TRIM33: variants seen among roughly 807,000 people sequenced by gnomAD.
TRIM33 encodes tripartite motif containing 33.
A neutral mutation model predicts 125.4 loss-of-function variants in TRIM33; 20 were observed. The observed-to-expected ratio is 0.16, with a 90% CI of 0.11 to 0.23. The LOEUF is 0.23. Among genes scored for constraint, TRIM33 ranks in the 10% least tolerant of loss-of-function variants. The pLI is 1.00. For missense variants in TRIM33, 920 were observed against 1,411.4 expected (o/e 0.65, Z 5.58); for synonymous variants, 564 against 513.9 (o/e 1.10, Z -1.32).
chr1:114,414,070 C>CA (rs1553207069), intron 11 of TRIM33, among the ~76,000 whole-genome samples: 2 of 147,482 alleles, frequency 1.4e-5, no homozygotes, highest in Non-Finnish European at 1.5e-5. Flanking sequence ...CACACACACA[C>CA]GTTTTTAAAT....
Position 114,510,884 on chromosome 1 carries a change from C to A in TRIM33, c.193G>T (p.Gly65Trp), listed in dbSNP as rs1457565985. ...AEGGAAGPDD[G>W]GVAAASSGSA... The stretch of plus-strand genomic sequence containing the variant: ...CCCGAGGAGGCCGCGGCCACCCCCC[C>A]GTCGTCGGGCCCGGCCGCGCCGCCC... The change falls in exon 1 of 20, where the codon GGG (glycine) becomes TGG (tryptophan). Residue 65 changes from glycine to tryptophan, a missense_variant. Gly to Trp is a radical substitution (Grantham distance 184, BLOSUM62 -2). Around this residue, in one of 8 missense-constraint regions of TRIM33, gnomAD observed 233 missense variants for 189.6 expected, o/e 1.23. Transcript: ENST00000358465. 2.8e-6 allele frequency: 4 copies of A among 1,447,912 alleles called. No homozygotes were observed. The highest frequency in any genetic ancestry group is 2.7e-6 in the Non-Finnish European group (3 of 1,107,498). The allele number at this position is 1,447,912 out of a possible 1,614,324, so 89.7% of individuals were successfully genotyped here. A position where few individuals can be genotyped will look rare whatever the true frequency, so the allele number is the denominator to read the frequency against.
intron 1 of TRIM33, chr1:114,468,380 C>T (rs765524953): frequency 3.1e-6 from 1 of 325,828 alleles, no homozygotes; most frequent in Non-Finnish European, 6.0e-6. Flanking sequence ...CAGCAGCAGT[C>T]CTTTAGTTAG....
chr1:114,461,472 C>T (rs963940948), intron 4 of TRIM33, among the ~76,000 whole-genome samples: 14 of 150,996 alleles, frequency 9.3e-5, no homozygotes, highest in Non-Finnish European at 1.0e-4. Flanking sequence ...ACCAAGCTGG[C>T]GAGAATCAGT....
At position 114,463,240 on chromosome 1, in the gene TRIM33, T is replaced by C. The variant is rs1572085140; in HGVS notation, c.791-4A>G. On this transcript the variant is annotated splice_region_variant and splice_polypyrimidine_tract_variant and intron_variant, in intron 3 of 19. Coordinates refer to ENST00000358465, the MANE Select transcript of TRIM33 (RefSeq NM_015906.4). The stretch of plus-strand genomic sequence containing the variant: ...TGACCAGATGCTCCAACAGACTCTG[T>C]AGCAAAATAAAACAAATATTTTTTA... 2.5e-6 allele frequency: 4 copies of C among 1,584,040 alleles called. No individual in the cohort carries two copies. Among genetic ancestry groups the C allele is most frequent in the East Asian group, 2.2e-5 (1 of 44,720 alleles).
In TRIM33 at chr1:114,396,132, A is replaced by C; in HGVS notation, c.*1516T>G. On this transcript the variant is annotated 3_prime_UTR_variant, in exon 20 of 20. Coordinates refer to ENST00000358465, the MANE Select transcript of TRIM33 (RefSeq NM_015906.4). ...TCTATTTTGGTCTCTGAATATTCTA[A>C]TGTGTCCATACAAAAGTAGGACTAA... is the stretch of plus-strand genomic sequence containing the variant. The C allele has an allele frequency of 5.0e-6, 1 of 201,032 alleles. No homozygotes were observed. The highest frequency in any genetic ancestry group is 7.7e-5 in the East Asian group (1 of 12,980). 12.5% of individuals were successfully genotyped at this position (201,032 alleles called of 1,614,324 possible). A position where few individuals can be genotyped will look rare whatever the true frequency, so the allele number is the denominator to read the frequency against.
chr1:114,458,058 A>C (rs919642288), intron 4 of TRIM33, among the ~76,000 whole-genome samples: 1 of 152,248 alleles, frequency 6.6e-6, no homozygotes, highest in South Asian at 2.1e-4. Context: ...GTCTTTGCTC[A>C]TTCCCATATG....
Position 114,453,738 on chromosome 1 carries a change from T to C in TRIM33, c.923+9366A>G, listed in dbSNP as rs565578695. Among the ~76,000 whole-genome samples the C allele has an allele frequency of 1.7e-3, 259 of 152,334 alleles. 3 individuals are homozygous for C. Among genetic ancestry groups the C allele is most frequent in the Non-Finnish European group, 4.6e-4 (31 of 68,026 alleles). On this transcript the variant is annotated intron_variant, in intron 4 of 19. Coordinates refer to ENST00000358465, the MANE Select transcript of TRIM33 (RefSeq NM_015906.4). Reference sequence around the variant, plus strand: ...CCTCAGGAGGAGCTGTCCTGGAGACTGAGGTCTACCATGTGGCTGGTGAAC... The same window carrying C: ...CCTCAGGAGGAGCTGTCCTGGAGACCGAGGTCTACCATGTGGCTGGTGAAC...
intron 8 of TRIM33, 58 bp downstream of exon 8, chr1:114,427,119 A>G (rs1647637168): frequency 1.2e-6 from 1 of 805,654 alleles, no homozygotes; most frequent in Non-Finnish European, 2.0e-6. Context: ...TGCTTTAAGT[A>G]TTTTCTCCTT....
chr1:114,490,060 G>T (rs1175528092), intron 1 of TRIM33, among the ~76,000 whole-genome samples: 1 of 134,166 alleles, frequency 7.5e-6, no homozygotes, highest in East Asian at 2.0e-4. Context: ...AGACCAGCCT[G>T]GGCAACAGAG....
At chr1:114,471,443 C>CAA (rs34336957) in intron 1 of TRIM33, among the ~76,000 whole-genome samples, 24 of 100,058 alleles carry the variant, frequency 2.4e-4, no homozygotes, top group South Asian at 1.5e-3. Context: ...GATTCTGTCT[C>CAA]AAAAAAAAAA....
intron 1 of TRIM33, chr1:114,468,573 A>G: frequency 2.5e-6 from 1 of 396,998 alleles, no homozygotes; most frequent in Non-Finnish European, 4.9e-6. Context: ...AAAAAACAAA[A>G]AAGATGTTTG....
chr1:114,485,363 A>G (rs1651616173), intron 1 of TRIM33, among the ~76,000 whole-genome samples: 1 of 151,966 alleles, frequency 6.6e-6, no homozygotes, highest in African/African-American at 2.4e-5. Context: ...CTGAACTTCT[A>G]CTCCCACCTG....
chr1:114,455,143 C>G (rs1649548106), intron 4 of TRIM33, among the ~76,000 whole-genome samples: 1 of 152,110 alleles, frequency 6.6e-6, no homozygotes, highest in Non-Finnish European at 1.5e-5. Flanking sequence ...TATACATGAT[C>G]CAGACACACC....
chr1:114,465,140 G>A (rs1650213762), intron 1 of TRIM33, among the ~76,000 whole-genome samples: 1 of 152,224 alleles, frequency 6.6e-6, no homozygotes, highest in South Asian at 2.1e-4. Context: ...GACTTGGTTA[G>A]AGATACTTGA....
chr1:114,497,591 C>G (rs10776785), intron 1 of TRIM33, among the ~76,000 whole-genome samples: 152,365 of 152,370 alleles, frequency 1, 76,180 homozygotes, highest in Non-Finnish European at 1. Context: ...GTAAGCCACC[C>G]TGCCTGGCCT....
chr1:114,400,405 T>C (rs1267089036), intron 17 of TRIM33, among the ~76,000 whole-genome samples: 1 of 152,164 alleles, frequency 6.6e-6, no homozygotes, highest in Admixed American at 6.5e-5. Flanking sequence ...GGTTTCACCA[T>C]GTTGGCCAGG....
chr1:114,506,415 A>G (rs965565606), intron 1 of TRIM33, among the ~76,000 whole-genome samples: 2 of 151,828 alleles, frequency 1.3e-5, no homozygotes, highest in Non-Finnish European at 2.9e-5. Flanking sequence ...GCAGAACCCA[A>G]TGCAACTTAA....
chr1:114,510,989 C>T lies in TRIM33; in HGVS notation c.88G>A (p.Ala30Thr). 3 of 1,335,088 alleles carry T rather than the reference C, an allele frequency of 2.2e-6. No individual in the cohort carries two copies. The highest frequency in any genetic ancestry group is 1.9e-5 in the South Asian group (1 of 53,072). 82.7% of individuals were successfully genotyped at this position (1,335,088 alleles called of 1,614,324 possible). Residue 30 changes from alanine to threonine, a missense_variant, in exon 1 of 20, where the codon GCC (alanine) becomes ACC (threonine). By Grantham distance (58) the Ala-to-Thr change is moderately conservative. Transcript: ENST00000358465. ...AGAGGCGGCTCCGCCTCCTGCGCGG[C>T]GGGCCCGGCGGCCCCGGCAGTTACC... ...APVTAGAAGP[A>T]AQEAEPPLTA...
At chr1:114,487,533 C>T (rs1317204690) in intron 1 of TRIM33, among the ~76,000 whole-genome samples, 2 of 151,436 alleles carry the variant, frequency 1.3e-5, no homozygotes, top group South Asian at 2.1e-4. Flanking sequence ...GAAAACTTGC[C>T]GTAACAGAAA....
Sources: gnomAD v4.1 joint callset for allele counts (sites outside exome capture counted in the v4.1 genomes callset) on GRCh38, gnomAD v4.1.1 for gene constraint, gnomAD v4.1.1 regional missense constraint, MANE v1.5 for transcripts, NCBI Gene and HGNC (gene_info 2026-07-23, HGNC 2026-07-21) for gene names.